The following KCNIP4 variants were observed in gnomAD, a reference collection of about 807,000 sequenced individuals.
The protein encoded by KCNIP4 is potassium voltage-gated channel interacting protein 4.
KCNIP4 carries 12 observed loss-of-function variants against 34.0 expected under a neutral mutation model. That is an observed-to-expected ratio of 0.35 (90% CI 0.23 to 0.57). KCNIP4 has a LOEUF of 0.57. Ranked by LOEUF, KCNIP4 falls within the 20% of genes least tolerant of loss-of-function variation. The pLI, the probability that KCNIP4 is intolerant of heterozygous loss-of-function variation, is 0.83. For missense variants in KCNIP4, 238 were observed against 311.7 expected (o/e 0.76, Z 1.78); for synonymous variants, 124 against 102.2 (o/e 1.21, Z -1.29).
At chr4:21,706,668 C>T (rs1017649800) in intron 1 of KCNIP4, among the ~76,000 whole-genome samples, 10 of 152,072 alleles carry the variant, frequency 6.6e-5, no homozygotes, top group African/African-American at 1.4e-4. Flanking sequence ...CAAGGAATGA[C>T]GAGTGTAGTG....
intron 1 of KCNIP4, among the ~76,000 whole-genome samples, chr4:21,579,992 A>G (rs144954596): frequency 7.2e-5 from 11 of 152,268 alleles, no homozygotes; most frequent in African/African-American, 2.4e-4. Flanking sequence ...GACCTTAACT[A>G]CAGCTAAATA....
At chr4:21,419,184 A>G (rs962651007) in intron 1 of KCNIP4, among the ~76,000 whole-genome samples, 6 of 152,172 alleles carry the variant, frequency 3.9e-5, no homozygotes, top group African/African-American at 1.4e-4. Context: ...AAACTTTCCT[A>G]TTTATGACTA....
chr4:20,972,026 C>T (rs1560612157), intron 1 of KCNIP4, among the ~76,000 whole-genome samples: 1 of 152,220 alleles, frequency 6.6e-6, no homozygotes, highest in Non-Finnish European at 1.5e-5. Flanking sequence ...GACACTACTC[C>T]TCATTTGTTC....
chr4:20,745,591 T>C (rs1752247525), intron 5 of KCNIP4, among the ~76,000 whole-genome samples: 1 of 152,192 alleles, frequency 6.6e-6, no homozygotes, highest in Admixed American at 6.5e-5. Flanking sequence ...GGAGGTTATA[T>C]CTGTTCCCTA....
At chr4:21,038,164 G>C (rs1481555686) in intron 1 of KCNIP4, among the ~76,000 whole-genome samples, 1 of 152,030 alleles carries the variant, frequency 6.6e-6, no homozygotes, top group Non-Finnish European at 1.5e-5. Context: ...TTTTAGTAGA[G>C]AAGGGTTTTC....
intron 4 of KCNIP4, among the ~76,000 whole-genome samples, chr4:20,754,615 C>G (rs548554051): frequency 2.0e-5 from 3 of 152,072 alleles, no homozygotes; most frequent in Non-Finnish European, 4.4e-5. Flanking sequence ...TTTCCTTCAG[C>G]GATGCCTCAT....
At chr4:21,272,028 T>C (rs1277346211) in intron 1 of KCNIP4, among the ~76,000 whole-genome samples, 1 of 152,192 alleles carries the variant, frequency 6.6e-6, no homozygotes, top group Non-Finnish European at 1.5e-5. Flanking sequence ...AATGCCTTCT[T>C]AGTCAAGTAG....
At chr4:21,838,215 C>T (rs1354496333) in intron 1 of KCNIP4, among the ~76,000 whole-genome samples, 4 of 152,098 alleles carry the variant, frequency 2.6e-5, no homozygotes, top group African/African-American at 7.2e-5. Flanking sequence ...AATCTTCAAC[C>T]CCCCTGGACT....
At chr4:21,909,718 A>G (rs1728194437) in intron 1 of KCNIP4, among the ~76,000 whole-genome samples, 1 of 152,130 alleles carries the variant, frequency 6.6e-6, no homozygotes, top group Non-Finnish European at 1.5e-5. Flanking sequence ...ATAAAGAAAA[A>G]GAGGTTTAAT....
At chr4:21,671,733 C>G (rs78313943) in intron 1 of KCNIP4, among the ~76,000 whole-genome samples, 1 of 152,104 alleles carries the variant, frequency 6.6e-6, no homozygotes, top group Non-Finnish European at 1.5e-5. Flanking sequence ...CAGTAGCACC[C>G]GAAACCTATG....
intron 3 of KCNIP4, among the ~76,000 whole-genome samples, chr4:20,779,576 A>ACCC (rs71653900): frequency 2.6e-4 from 21 of 80,558 alleles, no homozygotes; most frequent in East Asian, 4.0e-4. Flanking sequence ...CTGCCCCACA[A>ACCC]CCCCCCCCCC....
chr4:21,081,111 G>A (rs889016748), intron 1 of KCNIP4, among the ~76,000 whole-genome samples: 5 of 151,624 alleles, frequency 3.3e-5, no homozygotes, highest in Non-Finnish European at 7.4e-5. Flanking sequence ...CACTTTAAGA[G>A]GCATGATATA....
At chr4:20,842,961 G>A (rs977464269) in intron 3 of KCNIP4, among the ~76,000 whole-genome samples, 37 of 150,556 alleles carry the variant, frequency 2.5e-4, no homozygotes, top group African/African-American at 7.1e-4. Context: ...AGGCTGGAGT[G>A]CAGAGGCACA....
intron 1 of KCNIP4, among the ~76,000 whole-genome samples, chr4:21,874,353 C>T (rs928892244): frequency 1.3e-5 from 2 of 152,202 alleles, no homozygotes; most frequent in African/African-American, 4.8e-5. Flanking sequence ...TACTCTCTGT[C>T]CTTCTCCATC....
intron 1 of KCNIP4, among the ~76,000 whole-genome samples, chr4:21,065,820 G>A (rs1205334080): frequency 2.1e-5 from 3 of 144,902 alleles, no homozygotes. Context: ...AATTAAGAAT[G>A]TATTTTATAC....
chr4:21,940,516 T>C, intron 1 of KCNIP4, among the ~76,000 whole-genome samples: 1 of 152,210 alleles, frequency 6.6e-6, no homozygotes, highest in Non-Finnish European at 1.5e-5. Context: ...ATTCAGTTAC[T>C]AAATCTTGGA....
chr4:21,190,758 T>C (rs760333168), intron 1 of KCNIP4, among the ~76,000 whole-genome samples: 3 of 152,162 alleles, frequency 2.0e-5, no homozygotes, highest in Non-Finnish European at 4.4e-5. Flanking sequence ...TAATGGCCAG[T>C]AGCCATAAAA....
At chr4:21,779,564 A>G (rs1427665052) in intron 1 of KCNIP4, among the ~76,000 whole-genome samples, 1 of 152,132 alleles carries the variant, frequency 6.6e-6, no homozygotes, top group African/African-American at 2.4e-5. Context: ...TTATTTGTCA[A>G]TTATACCCTG....
Position 20,911,732 on chromosome 4 carries a change from T to G in KCNIP4, c.62-29023A>C, listed in dbSNP as rs191199123. 4.1e-3 allele frequency among the ~76,000 whole-genome samples: 622 copies of G among 152,330 alleles called. 1 individual carries two copies. The highest frequency in any genetic ancestry group is 0.011 in the South Asian group (52 of 4,828). On this transcript the variant is annotated intron_variant, in intron 1 of 8. Transcript: ENST00000382152. ...GTAGAAATGGCCTTCACTCATTGGA[T>G]TCACACTCTATTTTAAACCCAGAAA...
Sources: gnomAD v4.1 joint callset for allele counts (sites outside exome capture counted in the v4.1 genomes callset) on GRCh38, gnomAD v4.1.1 for gene constraint, MANE v1.5 for transcripts, NCBI Gene and HGNC (gene_info 2026-07-23, HGNC 2026-07-21) for gene names.